The following CEP152 variants were observed in gnomAD, a reference collection of about 807,000 sequenced individuals.
CEP152 encodes centrosomal protein of 152 kDa.
In CEP152, 132 loss-of-function variants were observed where a neutral mutation model predicts 188.9. That is an observed-to-expected ratio of 0.70 (90% confidence interval 0.61 to 0.81). CEP152 has a LOEUF of 0.81. CEP152 is among the 30% of genes least tolerant of loss of function. The pLI is 0.00. For missense variants in CEP152, 1,914 were observed against 1,969.8 expected (o/e 0.97, Z 0.54); for synonymous variants, 649 against 666.6 (o/e 0.97, Z 0.41).
chr15:48,806,211 C>T (rs1897976907), intron 1 of CEP152, among the ~76,000 whole-genome samples: 1 of 152,148 alleles, frequency 6.6e-6, no homozygotes, highest in Non-Finnish European at 1.5e-5. Context: ...TCCTCTTAAG[C>T]TTGATAAAAT....
At chr15:48,741,288 C>T in intron 26 of CEP152, 1 of 1,188,218 alleles carries the variant, frequency 8.4e-7, no homozygotes, top group Non-Finnish European at 1.1e-6. Context: ...AGCCATGATG[C>T]CTGGCCCACT....
Position 48,756,417 on chromosome 15 carries a change from T to G in CEP152, c.2831A>C (p.Glu944Ala), listed in dbSNP as rs1894275191. The G allele has an allele frequency of 6.2e-7, 1 of 1,613,578 alleles. No individual in the cohort carries two copies. Among genetic ancestry groups the G allele is most frequent in the Non-Finnish European group, 8.5e-7 (1 of 1,179,724 alleles). The change falls in exon 20 of 27, where the codon GAA (glutamate) becomes GCA (alanine). Residue 944 changes from glutamate (E) to alanine (A), a missense_variant. Coordinates refer to ENST00000380950, the MANE Select transcript of CEP152 (RefSeq NM_001194998.2). ...CTCAGCCCTGATGACCACAGGGACT[T>G]CTTCGTTCTTTAACTCAAGTTCCTT... is the stretch of plus-strand genomic sequence containing the variant. ...LQKELELKNEEVPVVIRAELA... is the reference protein window; with the variant it reads ...LQKELELKNEAVPVVIRAELA...
intron 7 of CEP152, among the ~76,000 whole-genome samples, chr15:48,792,317 T>TA (rs1337765977): frequency 1.3e-5 from 2 of 152,194 alleles, no homozygotes; most frequent in African/African-American, 4.8e-5. Flanking sequence ...TAAATTCACC[T>TA]AATGTTAAAT....
At chr15:48,736,481 C>T (rs1343862141), downstream of CEP152, among the ~76,000 whole-genome samples, 1 of 152,168 alleles carries the variant, frequency 6.6e-6, no homozygotes, top group Non-Finnish European at 1.5e-5. Flanking sequence ...ATCTACAGGG[C>T]TCCTGCCTCC....
At chr15:48,737,107 CAG>C (rs759845320), downstream of CEP152, among the ~76,000 whole-genome samples, 15 of 152,136 alleles carry the variant, frequency 9.9e-5, no homozygotes, top group South Asian at 4.2e-4. Flanking sequence ...GTTAAGGTGA[CAG>C]AGCTTTCCAA....
chr15:48,759,987 C>G, intron 19 of CEP152, 148 bp downstream of exon 19: 1 of 1,001,708 alleles, frequency 1.0e-6, no homozygotes. Flanking sequence ...GACAAGAACA[C>G]TTGCTAGGCT....
At chr15:48,778,639 T>C (rs1896065619) in intron 12 of CEP152, among the ~76,000 whole-genome samples, 4 of 152,100 alleles carry the variant, frequency 2.6e-5, no homozygotes, top group Admixed American at 6.6e-5. Flanking sequence ...TTATTATCTA[T>C]AGGAATGTGC....
intron 22 of CEP152, among the ~76,000 whole-genome samples, chr15:48,745,524 AAG>A (rs1433220242): frequency 6.6e-6 from 1 of 152,016 alleles, no homozygotes; most frequent in African/African-American, 2.4e-5. Flanking sequence ...TGAGTCCGAA[AAG>A]AGAGTCAGCA....
intron 21 of CEP152, 76 bp downstream of exon 21, chr15:48,752,273 C>T: frequency 6.2e-7 from 1 of 1,612,474 alleles, no homozygotes; most frequent in Non-Finnish European, 8.5e-7. Flanking sequence ...CTATGATCTC[C>T]TTTTATCCTC....
chr15:48,782,184 T>C lies in CEP152; in HGVS notation c.1368A>G (p.Ala456=), dbSNP rs375654372. ...VAQLQFQLQQ[A]QKAHAMSANM... ...TTGCACTCATAGCATGTGCCTTCTGTGCTTGCTGCAGCTGGAACTGTAGCT... is the reference window on the plus strand; with the variant it reads ...TTGCACTCATAGCATGTGCCTTCTGCGCTTGCTGCAGCTGGAACTGTAGCT... Residue 456 remains alanine, a synonymous_variant, in exon 11 of 27, where the codon GCA becomes GCG. Transcript: ENST00000380950. 1.9e-6 allele frequency: 3 copies of C among 1,613,870 alleles called. No individual in the cohort carries two copies. Among genetic ancestry groups the C allele is most frequent in the Non-Finnish European group, 2.5e-6 (3 of 1,179,886 alleles).
Position 48,783,838 on chromosome 15 carries a change from CTTT to C in CEP152, c.1321+132_1321+134del, listed in dbSNP as rs538647422. ...TGTATATATATAAAAATATATATTT[CTTT>C]TTTTTAAAGAAATTTATTGCTGATT... On this transcript the variant is annotated intron_variant, in intron 10 of 26. Coordinates refer to ENST00000380950, the MANE Select transcript of CEP152 (RefSeq NM_001194998.2). The C allele has an allele frequency of 1.4e-3, 739 of 514,574 alleles. 6 individuals are homozygous for C. In the African/African-American group the frequency reaches 0.015, roughly 10 times the overall value. 31.9% of individuals were successfully genotyped at this position (514,574 alleles called of 1,614,324 possible).
At chr15:48,797,888 T>C (rs531498645) in intron 3 of CEP152, 60 bp downstream of exon 3, 27 of 1,512,352 alleles carry the variant, frequency 1.8e-5, no homozygotes, top group Non-Finnish European at 2.2e-5. Flanking sequence ...TTAATCTTCA[T>C]CAAAAGAAAA....
rs776732911 is a variant in CEP152 at position 48,756,178 on chromosome 15, G to A, written c.3070C>T (p.Arg1024Cys). The A allele has an allele frequency of 2.9e-5, 47 of 1,613,816 alleles. No homozygotes were observed. Among genetic ancestry groups the A allele is most frequent in the African/African-American group, 8.0e-5 (6 of 74,872 alleles). The change falls in exon 20 of 27, where the codon CGT (arginine) becomes TGT (cysteine). Residue 1024 changes from arginine to cysteine, a missense_variant. By Grantham distance (180) the Arg-to-Cys change is radical. Transcript: ENST00000380950. Reference protein sequence around the residue: ...TELQTCLDQSRREWTMQEAKR... With the variant: ...TELQTCLDQSCREWTMQEAKR... ...GCTTCCTGCATAGTCCATTCTCTACGACTCTGGTCTAGACAAGTTTGTAAT... is the reference window on the plus strand; with the variant it reads ...GCTTCCTGCATAGTCCATTCTCTACAACTCTGGTCTAGACAAGTTTGTAAT...
intron 8 of CEP152, 64 bp downstream of exon 8, chr15:48,791,173 C>T: frequency 6.8e-7 from 1 of 1,462,104 alleles, no homozygotes; most frequent in Non-Finnish European, 9.3e-7. Flanking sequence ...TCCTACCCTA[C>T]AAAAAGTTTT....
chr15:48,800,747 C>T (rs1183491043), intron 2 of CEP152, among the ~76,000 whole-genome samples: 1 of 152,112 alleles, frequency 6.6e-6, no homozygotes, highest in African/African-American at 2.4e-5. Context: ...TTAACAGATA[C>T]CTTCCCTGTA....
At chr15:48,783,113 G>T (rs1002214723) in intron 10 of CEP152, 8 of 152,166 alleles carry the variant, frequency 5.3e-5, no homozygotes, top group African/African-American at 1.9e-4. Flanking sequence ...ATCAGTTAAT[G>T]AATAACTGTT....
rs750774920 is a variant in CEP152 at position 48,768,267 on chromosome 15, C to T, written c.1970G>A (p.Arg657Lys). Reference sequence around the variant, plus strand: ...ATGGTCAAAATCTTGTACCATTTGTCTCATTTGATTACATAAGTCTTGATT... The same window carrying T: ...ATGGTCAAAATCTTGTACCATTTGTTTCATTTGATTACATAAGTCTTGATT... ...NTNQDLCNQMRQMVQDFDHDK... is the reference protein window; with the variant it reads ...NTNQDLCNQMKQMVQDFDHDK... The change falls in exon 15 of 27, where the codon AGA becomes AAA. Residue 657 changes from arginine (R) to lysine (K), a missense_variant. Transcript: ENST00000380950. 1.2e-6 allele frequency: 2 copies of T among 1,612,758 alleles called. No homozygotes were observed. Among genetic ancestry groups the T allele is most frequent in the East Asian group, 4.5e-5 (2 of 44,848 alleles).
In CEP152 at chr15:48,784,137, T is replaced by G; in HGVS notation, c.1174-17A>C. 3.7e-6 allele frequency: 6 copies of G among 1,608,866 alleles called. No individual in the cohort carries two copies. The highest frequency in any genetic ancestry group is 5.1e-6 in the Non-Finnish European group (6 of 1,176,798). On this transcript the variant is annotated splice_polypyrimidine_tract_variant and intron_variant, in intron 9 of 26. Coordinates refer to ENST00000380950, the MANE Select transcript of CEP152 (RefSeq NM_001194998.2). Reference sequence around the variant, plus strand: ...AATGTCTTCCTAAATAGAAAAAAAGTTCAGGAAGTCATTTTCATAAAGAGT... The same window carrying G: ...AATGTCTTCCTAAATAGAAAAAAAGGTCAGGAAGTCATTTTCATAAAGAGT...
downstream of CEP152, among the ~76,000 whole-genome samples, chr15:48,734,726 G>A (rs1595575734): frequency 6.6e-6 from 1 of 152,114 alleles, no homozygotes; most frequent in Non-Finnish European, 1.5e-5. Context: ...TGCAGTGGCT[G>A]TAGTAATTAT....
Sources: allele counts gnomAD v4.1 joint callset (sites outside exome capture counted in the v4.1 genomes callset), GRCh38; gene constraint gnomAD v4.1.1; transcripts MANE v1.5; gene names NCBI Gene and HGNC (gene_info 2026-07-23, HGNC 2026-07-21).